PALM2AKAP2: variants seen among roughly 807,000 people sequenced by gnomAD.
PALM2AKAP2 encodes the protein PALM2 and AKAP2 fusion.
PALM2AKAP2 carries 37 observed loss-of-function variants against 71.5 expected under a neutral mutation model. The observed-to-expected ratio is 0.52, with a 90% confidence interval of 0.40 to 0.68. The LOEUF (loss-of-function observed/expected upper bound fraction) is 0.68. Ranked by LOEUF, PALM2AKAP2 falls within the 30% of genes least tolerant of loss-of-function variation. The probability of loss-of-function intolerance (pLI) is 0.00; values close to 1 mark genes in which losing one functional copy is unlikely to be tolerated. For synonymous variants in PALM2AKAP2, 468 were observed against 478.8 expected (o/e 0.98, Z 0.29); for missense variants, 1,224 against 1,191.8 (o/e 1.03, Z -0.40).
intron 1 of PALM2AKAP2, among the ~76,000 whole-genome samples, chr9:110,101,602 A>G (rs1351433328): frequency 6.6e-6 from 1 of 152,186 alleles, no homozygotes; most frequent in African/African-American, 2.4e-5. Context: ...AAAGAAAGCC[A>G]CGTGCTTTCA....
intron 3 of PALM2AKAP2, among the ~76,000 whole-genome samples, chr9:109,905,505 G>A (rs1335811625): frequency 2.0e-5 from 3 of 152,222 alleles, no homozygotes; most frequent in Non-Finnish European, 2.9e-5. Flanking sequence ...TGCAACGACT[G>A]TGCCCGTGAG....
intron 1 of PALM2AKAP2, among the ~76,000 whole-genome samples, chr9:109,731,290 G>A (rs901528601): frequency 2.6e-5 from 4 of 152,132 alleles, no homozygotes; most frequent in African/African-American, 7.2e-5. Context: ...ACTTATACTG[G>A]ACATGATTTT....
intron 3 of PALM2AKAP2, among the ~76,000 whole-genome samples, chr9:109,915,595 T>A (rs749431601): frequency 2.6e-5 from 4 of 152,192 alleles, no homozygotes; most frequent in Non-Finnish European, 5.9e-5. Context: ...TCCATCCATC[T>A]GTGTCATGGG....
At chr9:109,757,205 G>A (rs1828977334) in intron 1 of PALM2AKAP2, among the ~76,000 whole-genome samples, 1 of 152,030 alleles carries the variant, frequency 6.6e-6, no homozygotes, top group African/African-American at 2.4e-5. Flanking sequence ...ACGTATGAGT[G>A]AGAAAATGCA....
chr9:110,032,120 G>C (rs1313897564), intron 7 of PALM2AKAP2, among the ~76,000 whole-genome samples: 3 of 151,416 alleles, frequency 2.0e-5, no homozygotes, highest in Admixed American at 6.6e-5. Flanking sequence ...AAGCACACAG[G>C]TGTCCTGCAA....
intron 1 of PALM2AKAP2, among the ~76,000 whole-genome samples, chr9:109,732,785 A>G (rs1025142365): frequency 6.6e-6 from 1 of 152,170 alleles, no homozygotes; most frequent in Non-Finnish European, 1.5e-5. Flanking sequence ...TAGCAGGGAG[A>G]AGGTCTCCCT....
At chr9:109,843,080 C>T (rs1458263243) in intron 1 of PALM2AKAP2, among the ~76,000 whole-genome samples, 6 of 137,868 alleles carry the variant, frequency 4.4e-5, no homozygotes, top group African/African-American at 8.3e-5. Context: ...GTGGAGGTTG[C>T]GGTGAGCCGA....
chr9:110,006,269 T>TTC (rs767963720), intron 6 of PALM2AKAP2, among the ~76,000 whole-genome samples: 2 of 151,340 alleles, frequency 1.3e-5, no homozygotes, highest in African/African-American at 4.9e-5. Flanking sequence ...TCCTTCCATT[T>TTC]TCTCTCTCTC....
chr9:110,038,743 G>A (rs1220474634), intron 7 of PALM2AKAP2, among the ~76,000 whole-genome samples: 3 of 151,494 alleles, frequency 2.0e-5, no homozygotes, highest in Non-Finnish European at 4.4e-5. Context: ...GTTCGAGACT[G>A]GCCTGTCCAA....
In PALM2AKAP2 at chr9:110,146,755, T is replaced by C. The variant is rs376837876; in HGVS notation, c.2569+8216T>C. ...TATTTGATCTTTGTGTGCTACATAC[T>C]TATGGGGTGGAAGGCTAGGAGGTGA... On this transcript the variant is annotated intron_variant, in intron 2 of 3. Transcript: ENST00000374525. 5.9e-5 allele frequency among the ~76,000 whole-genome samples: 9 copies of C among 152,236 alleles called. No homozygotes were observed. In the South Asian group the frequency reaches 1.9e-3, roughly 32 times the overall value.
At chr9:110,026,754 G>T (rs114394760) in intron 7 of PALM2AKAP2, among the ~76,000 whole-genome samples, 2,035 of 152,232 alleles carry the variant, frequency 0.013, 38 homozygotes, top group African/African-American at 0.047. Flanking sequence ...ATAGTAAAAA[G>T]CCAGTAAGGC....
At chr9:109,664,976 G>A (rs1014388293) in intron 1 of PALM2AKAP2, among the ~76,000 whole-genome samples, 25 of 152,038 alleles carry the variant, frequency 1.6e-4, no homozygotes, top group African/African-American at 3.4e-4. Context: ...TGATTGAATC[G>A]GCTATTGAAG....
At chr9:110,047,649 G>C (rs1043637377), upstream of PALM2AKAP2, among the ~76,000 whole-genome samples, 1 of 152,170 alleles carries the variant, frequency 6.6e-6, no homozygotes, top group African/African-American at 2.4e-5. Flanking sequence ...TGGGAAAATC[G>C]TGCCTAGGGC....
chr9:110,056,627 C>A (rs140332659), intron 1 of PALM2AKAP2, among the ~76,000 whole-genome samples: 1 of 152,248 alleles, frequency 6.6e-6, no homozygotes, highest in South Asian at 2.1e-4. Context: ...GAATTTTCCT[C>A]AGACACATTA....
intron 3 of PALM2AKAP2, among the ~76,000 whole-genome samples, chr9:109,907,243 C>T (rs540182198): frequency 1.2e-4 from 18 of 152,318 alleles, no homozygotes; most frequent in Non-Finnish European, 1.8e-4. Context: ...CATATAGCTT[C>T]CTCCCTCATG....
At chr9:110,000,471 A>T (rs1288061783) in intron 6 of PALM2AKAP2, among the ~76,000 whole-genome samples, 1 of 152,196 alleles carries the variant, frequency 6.6e-6, no homozygotes, top group Non-Finnish European at 1.5e-5. Flanking sequence ...CGCAATAAAC[A>T]TATGTGTGCA....
At chr9:109,729,152 C>T (rs997424552) in intron 1 of PALM2AKAP2, among the ~76,000 whole-genome samples, 1 of 152,122 alleles carries the variant, frequency 6.6e-6, no homozygotes, top group Non-Finnish European at 1.5e-5. Flanking sequence ...TCAAAGATGA[C>T]AGGCAGGCAG....
At position 110,105,272 on chromosome 9, in the gene PALM2AKAP2, G is replaced by A. The variant is rs566193826; in HGVS notation, c.157-30855G>A. On this transcript the variant is annotated intron_variant, in intron 1 of 3. Transcript: ENST00000374525. ...ACTTTTTGCCAGAAAAGAGCATGCA[G>A]AGTGAACTTGTGACATAATACATTC... Among the ~76,000 whole-genome samples, 5 of 152,332 alleles carry A rather than the reference G, an allele frequency of 3.3e-5. No individual in the cohort carries two copies. In the South Asian group the frequency reaches 1.0e-3, roughly 32 times the overall value.
intron 1 of PALM2AKAP2, among the ~76,000 whole-genome samples, chr9:109,836,124 T>C (rs1317333534): frequency 4.6e-5 from 7 of 152,050 alleles, no homozygotes; most frequent in Non-Finnish European, 8.8e-5. Flanking sequence ...CTGGGAGGCA[T>C]CCCCCAGTAG....
Sources: allele counts gnomAD v4.1 joint callset (sites outside exome capture counted in the v4.1 genomes callset), GRCh38; gene constraint gnomAD v4.1.1; transcripts MANE v1.5; gene names NCBI Gene and HGNC (gene_info 2026-07-23, HGNC 2026-07-21).